The following TNFRSF10D variants were observed in gnomAD, a reference collection of about 807,000 sequenced individuals.
The protein encoded by TNFRSF10D is TNF receptor superfamily member 10d.
A neutral mutation model predicts 42.1 loss-of-function variants in TNFRSF10D; 28 were observed. That is an observed-to-expected ratio of 0.66 (90% CI 0.49 to 0.91). TNFRSF10D has a LOEUF of 0.91. Among genes scored for constraint, TNFRSF10D ranks in the 40% least tolerant of loss-of-function variants. The probability of loss-of-function intolerance (pLI) is 0.00; values close to 1 mark genes in which losing one functional copy is unlikely to be tolerated. For synonymous variants in TNFRSF10D, 186 were observed against 189.4 expected (o/e 0.98, Z 0.15); for missense variants, 503 against 486.1 (o/e 1.03, Z -0.33).
In TNFRSF10D at chr8:23,163,830, TG is replaced by T. The variant is rs1174128424; in HGVS notation, c.105del (p.Lys36ArgfsTer164). 1 of 1,608,734 alleles carries T rather than the reference TG, an allele frequency of 6.2e-7. No homozygotes were observed. The highest frequency in any genetic ancestry group is 8.5e-7 in the Non-Finnish European group (1 of 1,178,368). ...ATGAAGACGACGAACTTAAGGATCT[TG>T]GGGTCCAGGAGCCATGGTCTGGTTC... ...ASGTRPWLLDPKILKFVVFIV... is the reference protein window; with the variant it reads ...ASGTRPWLLDXKILKFVVFIV... On this transcript the variant is annotated frameshift_variant, in exon 1 of 9. Transcript: ENST00000312584. LOFTEE classifies it high-confidence loss of function.
At chr8:23,163,088 A>AATT in intron 1 of TNFRSF10D, among the ~76,000 whole-genome samples, 1 of 89,716 alleles carries the variant, frequency 1.1e-5, no homozygotes, top group African/African-American at 4.4e-5. Flanking sequence ...CGCCTGGCTA[A>AATT]CTTTTTTTTT....
At chr8:23,148,995 C>G (rs565659750) in intron 2 of TNFRSF10D, among the ~76,000 whole-genome samples, 8 of 151,512 alleles carry the variant, frequency 5.3e-5, no homozygotes, top group African/African-American at 1.7e-4. Flanking sequence ...TCGAGACCAT[C>G]CTGGCTAACA....
intron 7 of TNFRSF10D, among the ~76,000 whole-genome samples, chr8:23,140,375 GACACACACACACACACACACAC>G (rs71546853): frequency 6.9e-6 from 1 of 145,368 alleles, no homozygotes; most frequent in Admixed American, 6.8e-5. Flanking sequence ...ATTTACAACA[GACACACACACACACACACACAC>G]ACACACACAC....
At chr8:23,146,933 T>C in intron 4 of TNFRSF10D, 28 bp downstream of exon 4, 4 of 1,584,830 alleles carry the variant, frequency 2.5e-6, no homozygotes, top group Non-Finnish European at 3.5e-6. Context: ...TCCTGAAAGC[T>C]GTTGGGAGCC....
chr8:23,149,395 G>A (rs1228936731), intron 2 of TNFRSF10D, among the ~76,000 whole-genome samples: 4 of 150,928 alleles, frequency 2.7e-5, no homozygotes, highest in African/African-American at 7.3e-5. Flanking sequence ...CCACCACCAC[G>A]CCCAGCTAAT....
intron 7 of TNFRSF10D, among the ~76,000 whole-genome samples, chr8:23,143,463 T>C (rs1466334462): frequency 1.3e-5 from 2 of 152,102 alleles, no homozygotes; most frequent in East Asian, 1.9e-4. Context: ...ATCAGATCTC[T>C]ACAAATTACA....
chr8:23,146,027 GA>G, intron 4 of TNFRSF10D, 106 bp from the exon 5 acceptor site: 1 of 1,501,136 alleles, frequency 6.7e-7, no homozygotes, highest in Non-Finnish European at 9.2e-7. Flanking sequence ...AAGGCGTCAG[GA>G]GGACAGGCTC....
chr8:23,152,254 T>C (rs1309453764), intron 2 of TNFRSF10D, among the ~76,000 whole-genome samples: 1 of 152,148 alleles, frequency 6.6e-6, no homozygotes, highest in Non-Finnish European at 1.5e-5. Flanking sequence ...GAGAAGAGGA[T>C]AGCACACTTT....
intron 7 of TNFRSF10D, among the ~76,000 whole-genome samples, chr8:23,144,229 TG>T (rs1422460818): frequency 6.6e-6 from 1 of 152,214 alleles, no homozygotes; most frequent in Non-Finnish European, 1.5e-5. Flanking sequence ...ATCCAGGCTC[TG>T]GGGACACAGC....
chr8:23,152,186 A>C (rs1028563678), intron 2 of TNFRSF10D, among the ~76,000 whole-genome samples: 1 of 152,212 alleles, frequency 6.6e-6, no homozygotes, highest in African/African-American at 2.4e-5. Flanking sequence ...AACACAGAGG[A>C]AGCAACACAA....
chr8:23,153,049 G>A (rs994385489), intron 2 of TNFRSF10D, among the ~76,000 whole-genome samples: 4 of 152,172 alleles, frequency 2.6e-5, no homozygotes, highest in African/African-American at 9.7e-5. Flanking sequence ...GAATGAAATA[G>A]TGAACCCAGA....
chr8:23,149,878 T>C (rs759674463), intron 2 of TNFRSF10D, among the ~76,000 whole-genome samples: 7 of 152,144 alleles, frequency 4.6e-5, no homozygotes, highest in Non-Finnish European at 1.0e-4. Flanking sequence ...TTCTGACTGT[T>C]ATTTTGATCT....
intron 1 of TNFRSF10D, among the ~76,000 whole-genome samples, chr8:23,160,291 C>T (rs1800347328): frequency 6.6e-6 from 1 of 152,172 alleles, no homozygotes; most frequent in African/African-American, 2.4e-5. Context: ...GAGGTGAGCG[C>T]AGTGGCGGCC....
intron 2 of TNFRSF10D, among the ~76,000 whole-genome samples, chr8:23,150,279 A>T (rs928356717): frequency 1.3e-5 from 2 of 152,120 alleles, no homozygotes; most frequent in Non-Finnish European, 2.9e-5. Flanking sequence ...TACAAGGCCT[A>T]TTCCAGTGCC....
intron 7 of TNFRSF10D, among the ~76,000 whole-genome samples, chr8:23,143,412 T>C (rs1800061457): frequency 6.6e-6 from 1 of 152,122 alleles, no homozygotes; most frequent in African/African-American, 2.4e-5. Flanking sequence ...GAGGATGACT[T>C]GAGGCCAGGA....
chr8:23,162,509 G>A (rs1444235465), intron 1 of TNFRSF10D, among the ~76,000 whole-genome samples: 2 of 151,866 alleles, frequency 1.3e-5, no homozygotes, highest in South Asian at 2.1e-4. Flanking sequence ...TATCCTCCCC[G>A]TTTTGTTTTT....
chr8:23,145,227 C>T lies in TNFRSF10D; in HGVS notation c.737-138G>A. ...CCTGGGGCTGGGGACAGAATGGGGCCTTGCAATTAGGGGACACCCTGAGGA... is the reference window on the plus strand; with the variant it reads ...CCTGGGGCTGGGGACAGAATGGGGCTTTGCAATTAGGGGACACCCTGAGGA... On this transcript the variant is annotated intron_variant, in intron 5 of 8. Transcript: ENST00000312584. The T allele has an allele frequency of 7.5e-6, 8 of 1,064,628 alleles. No individual in the cohort carries two copies. In the South Asian group the frequency reaches 1.2e-4, roughly 16 times the overall value. 65.9% of individuals were successfully genotyped at this position (1,064,628 alleles called of 1,614,324 possible).
chr8:23,163,918 T>C lies in TNFRSF10D; in HGVS notation c.18A>G (p.Gln6=), dbSNP rs774014666. Residue 6 remains glutamine, a synonymous_variant, in exon 1 of 9, where the codon CAA becomes CAG. Transcript: ENST00000312584. ...GAGCGCTCGAGGCGGTCGGGACGCT[T>C]TGTCCCCAAAGTCCCATGAGAAGGG... The part of the protein sequence containing the change: MGLWG[Q]SVPTASSARA... 646 of 1,580,834 alleles carry C rather than the reference T, an allele frequency of 4.1e-4. No homozygotes were observed. In the African/African-American group the frequency reaches 7.4e-3, roughly 18 times the overall value.
Position 23,148,562 on chromosome 8 carries a change from A to T in TNFRSF10D, c.257-11T>A. On this transcript the variant is annotated splice_polypyrimidine_tract_variant and intron_variant, in intron 2 of 8. Coordinates refer to ENST00000312584, the MANE Select transcript of TNFRSF10D (RefSeq NM_003840.5). ...CTGATCTATGAGATCCTGGGAAGGG[A>T]GAGAAAAGTTAATGAATGAGTCACC... is the stretch of plus-strand genomic sequence containing the variant. The T allele has an allele frequency of 5.6e-6, 9 of 1,593,036 alleles. No individual in the cohort carries two copies. Among genetic ancestry groups the T allele is most frequent in the Non-Finnish European group, 6.9e-6 (8 of 1,163,706 alleles).
Sources: allele counts gnomAD v4.1 joint callset (sites outside exome capture counted in the v4.1 genomes callset), GRCh38; gene constraint gnomAD v4.1.1; transcripts MANE v1.5; gene names NCBI Gene and HGNC (gene_info 2026-07-23, HGNC 2026-07-21).